TNRC6C: variants seen among roughly 807,000 people sequenced by gnomAD.
TNRC6C encodes trinucleotide repeat containing adaptor 6C, also known as trinucleotide repeat-containing gene 6C protein.
In TNRC6C, 20 loss-of-function variants were observed where a neutral mutation model predicts 153.7. The ratio of observed to expected loss-of-function variants is 0.13; its 90% CI spans 0.09 to 0.19. The LOEUF is 0.19. Ranked by LOEUF, TNRC6C falls within the 10% of genes least tolerant of loss-of-function variation. The pLI, the probability that TNRC6C is intolerant of heterozygous loss-of-function variation, is 1.00. For synonymous variants in TNRC6C, 811 were observed against 841.4 expected, an observed-to-expected ratio of 0.96 and a Z score of 0.63; for missense variants, 1,987 against 2,172.0, an observed-to-expected ratio of 0.91 and a Z score of 1.69.
intron 1 of TNRC6C, among the ~76,000 whole-genome samples, chr17:77,973,228 A>G (rs191999670): frequency 5.3e-5 from 8 of 152,280 alleles, no homozygotes; most frequent in Admixed American, 3.9e-4. Context: ...TAATAGATGA[A>G]GAACAAAACC....
At chr17:78,057,889 C>G (rs1224341244) in intron 3 of TNRC6C, among the ~76,000 whole-genome samples, 1 of 151,946 alleles carries the variant, frequency 6.6e-6, no homozygotes, top group East Asian at 1.9e-4. Context: ...TTGTCCTATG[C>G]TTGTTGATAT....
chr17:77,968,733 A>G (rs1299864894), intron 1 of TNRC6C, among the ~76,000 whole-genome samples: 1 of 152,094 alleles, frequency 6.6e-6, no homozygotes, highest in East Asian at 1.9e-4. Context: ...TCTTCAGAAA[A>G]TGGTTTGTTC....
At chr17:78,081,679 T>G (rs987722474) in intron 10 of TNRC6C, among the ~76,000 whole-genome samples, 1 of 152,160 alleles carries the variant, frequency 6.6e-6, no homozygotes, top group Non-Finnish European at 1.5e-5. Flanking sequence ...GCCGGTGGCC[T>G]TGAAATTGTA....
exon 2 of TNRC6C, chr17:78,031,562 T>G: frequency 8.1e-7 from 1 of 1,232,272 alleles, no homozygotes. Context: ...AACCTGCCGG[T>G]ACCAGTACCA....
rs554311539 is a variant in TNRC6C, at chr17:77,972,552, G to C, written c.-38+13284G>C. Among the ~76,000 whole-genome samples the C allele has an allele frequency of 4.6e-5, 7 of 151,528 alleles. No individual in the cohort carries two copies. The South Asian group carries it at 1.3e-3, about 27-fold the overall frequency. On this transcript the variant is annotated intron_variant, in intron 1 of 22. Transcript: ENST00000636222. Reference sequence around the variant, plus strand: ...GAATGAAAGAGGGGACATGACTGCTGATTTTATAGCGATTGAGGTAGGTAC... The same window carrying C: ...GAATGAAAGAGGGGACATGACTGCTCATTTTATAGCGATTGAGGTAGGTAC...
At chr17:78,051,339 TACCACCACC>T (rs573114195) in exon 3 of TNRC6C, 38 of 1,550,262 alleles carry the variant, frequency 2.5e-5, no homozygotes, top group South Asian at 3.6e-5. Context: ...CCACGACCAA[TACCACCACC>T]ACCACCACCA....
chr17:78,010,007 C>T (rs566826649), intron 1 of TNRC6C, among the ~76,000 whole-genome samples: 2 of 152,162 alleles, frequency 1.3e-5, no homozygotes, highest in Admixed American at 1.3e-4. Context: ...CCTCAGCCTC[C>T]CAAGTAGCTG....
At chr17:78,032,541 T>C (rs1444019733) in intron 2 of TNRC6C, among the ~76,000 whole-genome samples, 1 of 152,246 alleles carries the variant, frequency 6.6e-6, no homozygotes, top group African/African-American at 2.4e-5. Context: ...GTATTTGTGG[T>C]CAACTGCCAT....
At chr17:78,023,317 C>G (rs149941692) in intron 1 of TNRC6C, among the ~76,000 whole-genome samples, 4 of 152,294 alleles carry the variant, frequency 2.6e-5, no homozygotes, top group African/African-American at 9.6e-5. Context: ...GCTAGCCATC[C>G]AGTGTCAGTT....
intron 16 of TNRC6C, among the ~76,000 whole-genome samples, chr17:78,094,397 T>C (rs1156844050): frequency 6.6e-6 from 1 of 152,036 alleles, no homozygotes; most frequent in Non-Finnish European, 1.5e-5. Flanking sequence ...ACTTGAAATA[T>C]GACTCATTGG....
intron 4 of TNRC6C, chr17:78,066,881 A>T (rs1049774422): frequency 1.3e-5 from 2 of 152,192 alleles, no homozygotes; most frequent in African/African-American, 4.8e-5. Flanking sequence ...AGGTTTGAGA[A>T]GCTCTGGTCT....
chr17:78,050,051 A>G (rs755708988), exon 3 of TNRC6C: 2 of 1,610,684 alleles, frequency 1.2e-6, no homozygotes, highest in Admixed American at 1.7e-5. Context: ...GCTTGGGGCC[A>G]CCCCAGCCGA....
intron 1 of TNRC6C, among the ~76,000 whole-genome samples, chr17:77,962,666 T>C (rs777041518): frequency 1.3e-5 from 2 of 152,224 alleles, no homozygotes; most frequent in African/African-American, 2.4e-5. Context: ...CAGGTAACTT[T>C]ATGTTTGTTT....
At chr17:77,983,143 C>A (rs56045023) in intron 1 of TNRC6C, among the ~76,000 whole-genome samples, 1,743 of 152,184 alleles carry the variant, frequency 0.011, 39 homozygotes, top group African/African-American at 0.039. Flanking sequence ...ATGGTAAAAC[C>A]CTGAAAGCAG....
upstream of TNRC6C, among the ~76,000 whole-genome samples, chr17:77,957,976 C>T (rs1384647159): frequency 6.6e-6 from 1 of 152,176 alleles, no homozygotes; most frequent in Non-Finnish European, 1.5e-5. Context: ...GGGACTGTTT[C>T]GCAGCGAGGC....
chr17:78,090,136 G>A (rs927661838), intron 13 of TNRC6C, among the ~76,000 whole-genome samples: 9 of 152,240 alleles, frequency 5.9e-5, no homozygotes, highest in African/African-American at 2.4e-5. Flanking sequence ...CGAAGTGTGT[G>A]TGTGCATGTG....
At chr17:78,097,291 A>G (rs1227721210) in intron 16 of TNRC6C, among the ~76,000 whole-genome samples, 3 of 106,434 alleles carry the variant, frequency 2.8e-5, no homozygotes, top group Non-Finnish European at 2.3e-5. Flanking sequence ...GTCAGAAGAA[A>G]TACTCAAATT....
At chr17:78,056,383 C>G (rs1036773870) in intron 3 of TNRC6C, among the ~76,000 whole-genome samples, 3 of 151,834 alleles carry the variant, frequency 2.0e-5, no homozygotes, top group Admixed American at 1.3e-4. Context: ...GTCTGGAACT[C>G]CTGACCTCAA....
intron 1 of TNRC6C, among the ~76,000 whole-genome samples, chr17:77,988,920 C>A (rs1300597913): frequency 1.3e-5 from 2 of 152,194 alleles, no homozygotes; most frequent in African/African-American, 4.8e-5. Context: ...AAAATGTAAG[C>A]TCCACGAAAG....
Sources: allele counts gnomAD v4.1 joint callset (sites outside exome capture counted in the v4.1 genomes callset), GRCh38; gene constraint gnomAD v4.1.1; transcripts MANE v1.5; gene names NCBI Gene and HGNC (gene_info 2026-07-23, HGNC 2026-07-21).